The following SYNE2 variants were observed in gnomAD, a reference collection of about 807,000 sequenced individuals.
SYNE2 encodes the protein spectrin repeat containing nuclear envelope protein 2, also known as nesprin-2.
Under a neutral mutation model 856.3 loss-of-function variants are expected in SYNE2, and 431 were observed. That is an observed-to-expected ratio of 0.50 (90% CI 0.47 to 0.55). The LOEUF (loss-of-function observed/expected upper bound fraction) is 0.55. Among genes scored for constraint, SYNE2 ranks in the 20% least tolerant of loss-of-function variants. The pLI is 0.00. For synonymous variants in SYNE2, 2,923 were observed against 2,872.3 expected (o/e 1.02, Z -0.56); for missense variants, 8,129 against 8,023.2 (o/e 1.01, Z -0.50).
At chr14:64,068,677 T>C (rs2097376255) in intron 51 of SYNE2, among the ~76,000 whole-genome samples, 1 of 151,910 alleles carries the variant, frequency 6.6e-6, no homozygotes, top group Non-Finnish European at 1.5e-5. Flanking sequence ...CTGGCCAAGA[T>C]GGTGAAACCC....
intron 57 of SYNE2, among the ~76,000 whole-genome samples, chr14:64,083,926 A>ATT (rs527947618): frequency 1.4e-4 from 21 of 144,992 alleles, no homozygotes; most frequent in Admixed American, 2.8e-4. Flanking sequence ...TAGAAAACTA[A>ATT]TTTTTTTTTT....
At chr14:63,940,070 A>ATT (rs10666086) in intron 2 of SYNE2, among the ~76,000 whole-genome samples, 8,203 of 129,320 alleles carry the variant, frequency 0.063, 754 homozygotes, top group African/African-American at 0.18. Flanking sequence ...GTCTCAGTTC[A>ATT]TTTTTTTTTT....
intron 84 of SYNE2, among the ~76,000 whole-genome samples, chr14:64,149,682 T>A (rs1014543982): frequency 4.6e-5 from 7 of 152,212 alleles, no homozygotes; most frequent in African/African-American, 1.7e-4. Flanking sequence ...ATTTAGATAT[T>A]TTAAAAATAT....
chr14:63,960,108 A>T (rs2096290890), intron 8 of SYNE2, among the ~76,000 whole-genome samples: 1 of 152,250 alleles, frequency 6.6e-6, no homozygotes, highest in African/African-American at 2.4e-5. Context: ...ATAAGTTTTT[A>T]TAAAGCAATA....
intron 1 of SYNE2, among the ~76,000 whole-genome samples, chr14:63,865,718 C>G (rs1327054247): frequency 8.9e-6 from 1 of 112,292 alleles, no homozygotes; most frequent in Non-Finnish European, 1.9e-5. Flanking sequence ...GTACCCACCC[C>G]CCCCCCAAAA....
chr14:64,031,415 GC>G, intron 45 of SYNE2, 58 bp downstream of exon 45: 1 of 1,497,214 alleles, frequency 6.7e-7, no homozygotes, highest in East Asian at 2.3e-5. Context: ...GAGGTATTTG[GC>G]TCTGAAAAGA....
At chr14:63,910,830 C>T (rs7153036) in intron 2 of SYNE2, among the ~76,000 whole-genome samples, 130,483 of 152,220 alleles carry the variant, frequency 0.86, 56,337 homozygotes, top group African/African-American at 0.96. Context: ...ATGTACATCA[C>T]ACTTTCTTTT....
chr14:64,194,133 G>C (rs1382002529), intron 99 of SYNE2, among the ~76,000 whole-genome samples: 1 of 152,124 alleles, frequency 6.6e-6, no homozygotes, highest in Non-Finnish European at 1.5e-5. Context: ...CATCAACACA[G>C]GTCATTTAAA....
At chr14:64,184,329 GGTGTGT>G (rs767980383) in intron 96 of SYNE2, among the ~76,000 whole-genome samples, 3,084 of 144,244 alleles carry the variant, frequency 0.021, 41 homozygotes, top group African/African-American at 0.039. Context: ...TATGCATAGG[GGTGTGT>G]GTGTGTGTGT....
chr14:64,021,447 G>A lies in SYNE2; in HGVS notation c.5284G>A (p.Gly1762Arg), dbSNP rs754809587. 16 of 1,613,978 alleles carry A rather than the reference G, an allele frequency of 9.9e-6. No homozygotes were observed. Among genetic ancestry groups the A allele is most frequent in the Non-Finnish European group, 1.3e-5 (15 of 1,180,030 alleles). The change falls in exon 36 of 116, where the codon GGG becomes AGG. Residue 1762 changes from glycine to arginine, a missense_variant. This residue lies in a region of SYNE2 where 2,422 missense variants were observed against 2,357.4 expected (regional missense o/e 1.03). Transcript: ENST00000555002. ...EDLDQAKTQI[G>R]MTESLLKALS... ...TCTCGACCAAGCCAAGACCCAGATC[G>A]GGATGACTGAATCCCTCTTAAAAGC...
intron 105 of SYNE2, 100 bp downstream of exon 105, chr14:64,213,105 T>A (rs1419519237): frequency 1.6e-6 from 2 of 1,268,608 alleles, no homozygotes; most frequent in Non-Finnish European, 1.1e-6. Context: ...AATGGTTAAT[T>A]ATGGTTTATT....
At chr14:64,039,864 A>G (rs2097133957) in intron 45 of SYNE2, among the ~76,000 whole-genome samples, 1 of 152,224 alleles carries the variant, frequency 6.6e-6, no homozygotes, top group Non-Finnish European at 1.5e-5. Context: ...GATACTCCAG[A>G]ATAGACACGG....
intron 1 of SYNE2, chr14:63,873,807 T>C (rs2140439762): frequency 6.6e-6 from 1 of 152,380 alleles, no homozygotes; most frequent in African/African-American, 2.4e-5. Context: ...GGTCTCAGCA[T>C]GCAAAGGAAG....
At chr14:63,978,703 T>C (rs1243806778) in intron 13 of SYNE2, 149 bp from the exon 14 acceptor site, 1 of 632,344 alleles carries the variant, frequency 1.6e-6, no homozygotes, top group Non-Finnish European at 2.7e-6. Context: ...TTTTACAATG[T>C]TTAAAAAAGA....
intron 1 of SYNE2, among the ~76,000 whole-genome samples, chr14:63,786,173 C>T (rs1352521666): frequency 1.3e-5 from 2 of 152,026 alleles, no homozygotes; most frequent in Non-Finnish European, 2.9e-5. Flanking sequence ...TCTCTTGAAC[C>T]CAGGAGGCGG....
intron 1 of SYNE2, among the ~76,000 whole-genome samples, chr14:63,799,395 CTTT>C (rs79092707): frequency 3.3e-4 from 43 of 128,416 alleles, no homozygotes; most frequent in Admixed American, 5.5e-4. Flanking sequence ...TGTTTTAAAA[CTTT>C]TTTTTTTTTT....
chr14:63,880,402 T>TA (rs1452706241), intron 1 of SYNE2, among the ~76,000 whole-genome samples: 1 of 152,122 alleles, frequency 6.6e-6, no homozygotes, highest in Non-Finnish European at 1.5e-5. Context: ...GAAGTAGTTT[T>TA]AAAAAAATAT....
chr14:63,942,292 C>T, intron 6 of SYNE2, 149 bp downstream of exon 6: 1 of 659,316 alleles, frequency 1.5e-6, no homozygotes. Context: ...AAAATAATAG[C>T]AGACTTTTTG....
Position 63,969,587 on chromosome 14 carries a change from C to A in SYNE2, c.1128+1741C>A, listed in dbSNP as rs960078785. 7.2e-5 allele frequency among the ~76,000 whole-genome samples: 11 copies of A among 151,950 alleles called. No individual in the cohort carries two copies. In the South Asian group the frequency reaches 1.5e-3, roughly 20 times the overall value. On this transcript the variant is annotated intron_variant, in intron 11 of 115. Transcript: ENST00000555002. The stretch of plus-strand genomic sequence containing the variant: ...CAATCTCCTGACCTCGTGATCCACC[C>A]GCCTCGGCCTCCCAAAGTGCTAGGA...
Sources: gnomAD v4.1 joint callset for allele counts (sites outside exome capture counted in the v4.1 genomes callset) on GRCh38, gnomAD v4.1.1 for gene constraint, gnomAD v4.1.1 regional missense constraint, MANE v1.5 for transcripts, NCBI Gene and HGNC (gene_info 2026-07-23, HGNC 2026-07-21) for gene names.